The following GNB1 variants were observed in gnomAD, a reference collection of about 807,000 sequenced individuals.
GNB1 encodes the protein guanine nucleotide-binding protein G(I)/G(S)/G(T) subunit beta-1.
In GNB1, 2 loss-of-function variants were observed where a neutral mutation model predicts 42.9. The observed-to-expected ratio is 0.05, with a 90% CI of 0.02 to 0.15. The LOEUF is 0.15. Ranked by LOEUF, GNB1 falls within the 10% of genes least tolerant of loss-of-function variation. The probability of loss-of-function intolerance (pLI) is 1.00; values close to 1 mark genes in which losing one functional copy is unlikely to be tolerated. For synonymous variants in GNB1, 183 were observed against 174.7 expected, an observed-to-expected ratio of 1.05 and a Z score of -0.38; for missense variants, 193 against 462.2, an observed-to-expected ratio of 0.42 and a Z score of 5.34.
At chr1:1,792,870 A>G (rs1646500328) in intron 8 of GNB1, among the ~76,000 whole-genome samples, 1 of 152,082 alleles carries the variant, frequency 6.6e-6, no homozygotes, top group South Asian at 2.1e-4. Context: ...GTTCAGGACC[A>G]GCCTGGCCAA....
intron 2 of GNB1, among the ~76,000 whole-genome samples, chr1:1,826,557 T>TA (rs1647000945): frequency 6.6e-6 from 1 of 152,114 alleles, no homozygotes; most frequent in African/African-American, 2.4e-5. Flanking sequence ...CATGAACCGC[T>TA]ACTGGTCAAA....
At chr1:1,840,721 C>G (rs1009581209) in intron 1 of GNB1, among the ~76,000 whole-genome samples, 2 of 152,262 alleles carry the variant, frequency 1.3e-5, no homozygotes, top group Non-Finnish European at 2.9e-5. Flanking sequence ...ATCCCTCCCT[C>G]TGTCCCTCTC....
intron 1 of GNB1, among the ~76,000 whole-genome samples, chr1:1,875,519 TTTTG>T (rs959426561): frequency 3.3e-4 from 50 of 151,952 alleles, no homozygotes; most frequent in African/African-American, 1.2e-3. Context: ...TTCTATTTTG[TTTTG>T]TTTTAGAGGC....
chr1:1,791,203 C>G (rs1160290003), intron 8 of GNB1, among the ~76,000 whole-genome samples: 1 of 146,542 alleles, frequency 6.8e-6, no homozygotes, highest in African/African-American at 2.5e-5. Flanking sequence ...CCGAATTTCA[C>G]TCTTGTTGCC....
intron 1 of GNB1, among the ~76,000 whole-genome samples, chr1:1,842,465 G>T (rs1287634981): frequency 1.3e-5 from 2 of 150,612 alleles, no homozygotes; most frequent in Non-Finnish European, 3.0e-5. Context: ...TCCTGGTCCT[G>T]TCTCTGCTAG....
intron 3 of GNB1, among the ~76,000 whole-genome samples, chr1:1,821,658 C>T (rs577596831): frequency 1.2e-4 from 19 of 152,306 alleles, no homozygotes; most frequent in South Asian, 6.2e-4. Flanking sequence ...CCTGGTACTT[C>T]GGAGACAAAG....
chr1:1,834,204 A>C (rs1162713103), intron 2 of GNB1, among the ~76,000 whole-genome samples: 1 of 152,068 alleles, frequency 6.6e-6, no homozygotes, highest in Non-Finnish European at 1.5e-5. Flanking sequence ...AGCCCTCAGA[A>C]GGCAATTCTC....
intron 1 of GNB1, among the ~76,000 whole-genome samples, chr1:1,879,145 C>A (rs1438790056): frequency 6.6e-6 from 1 of 152,194 alleles, no homozygotes; most frequent in African/African-American, 2.4e-5. Flanking sequence ...GGGGCAGGGA[C>A]AGGGTGCCTG....
chr1:1,840,895 A>AT (rs1049974565), intron 1 of GNB1, among the ~76,000 whole-genome samples: 2 of 151,828 alleles, frequency 1.3e-5, no homozygotes, highest in Non-Finnish European at 2.9e-5. Context: ...CATTTATTGT[A>AT]TTTTTTTTAT....
chr1:1,873,025 T>C (rs970435712), intron 1 of GNB1, among the ~76,000 whole-genome samples: 1 of 151,282 alleles, frequency 6.6e-6, no homozygotes, highest in Non-Finnish European at 1.5e-5. Context: ...CCAGAGTCTA[T>C]CTCCTACTCT....
intron 1 of GNB1, among the ~76,000 whole-genome samples, chr1:1,881,116 A>G (rs1352011999): frequency 2.0e-5 from 3 of 152,176 alleles, no homozygotes; most frequent in Non-Finnish European, 4.4e-5. Flanking sequence ...AAAGCCTCAG[A>G]GACTCCTCAA....
At chr1:1,801,181 C>T (rs1343855237) in intron 7 of GNB1, among the ~76,000 whole-genome samples, 1 of 152,204 alleles carries the variant, frequency 6.6e-6, no homozygotes, top group Non-Finnish European at 1.5e-5. Flanking sequence ...GCGCATGCCA[C>T]CATGCTTGGC....
At chr1:1,886,482 C>T (rs528794232) in intron 1 of GNB1, among the ~76,000 whole-genome samples, 3 of 152,342 alleles carry the variant, frequency 2.0e-5, no homozygotes, top group African/African-American at 7.2e-5. Context: ...ATTTCTCTCT[C>T]TTCATACACA....
chr1:1,827,707 T>C (rs1345051641), intron 2 of GNB1, among the ~76,000 whole-genome samples: 2 of 152,212 alleles, frequency 1.3e-5, no homozygotes, highest in Non-Finnish European at 2.9e-5. Flanking sequence ...CTGACACTAC[T>C]CACTTGTATT....
At chr1:1,890,101 G>A (rs1650395481) in intron 1 of GNB1, among the ~76,000 whole-genome samples, 1 of 152,122 alleles carries the variant, frequency 6.6e-6, no homozygotes, top group South Asian at 2.1e-4. Context: ...CGGGGTCCGC[G>A]CAACCCTCGA....
chr1:1,878,228 C>T (rs1373197997), intron 1 of GNB1, among the ~76,000 whole-genome samples: 1 of 152,176 alleles, frequency 6.6e-6, no homozygotes, highest in Non-Finnish European at 1.5e-5. Flanking sequence ...GCTAATGGCA[C>T]AGGCATCTTC....
At chr1:1,817,655 T>C (rs139880806) in intron 4 of GNB1, 182 bp downstream of exon 4, 159 of 491,958 alleles carry the variant, frequency 3.2e-4, no homozygotes, top group African/African-American at 2.9e-3. Context: ...CTCATTTTTA[T>C]CTCAATAAGC....
At chr1:1,833,877 G>A (rs867426554) in intron 2 of GNB1, among the ~76,000 whole-genome samples, 1 of 152,066 alleles carries the variant, frequency 6.6e-6, no homozygotes, top group Non-Finnish European at 1.5e-5. Context: ...TAATCTTAAC[G>A]AAAAAGTGAA....
At chr1:1,865,735 T>C (rs552024303) in intron 1 of GNB1, among the ~76,000 whole-genome samples, 1 of 152,242 alleles carries the variant, frequency 6.6e-6, no homozygotes, top group Non-Finnish European at 1.5e-5. Context: ...CAAATTCCTG[T>C]AATGTGCTCA....
Sources: allele counts gnomAD v4.1 joint callset (sites outside exome capture counted in the v4.1 genomes callset), GRCh38; gene constraint gnomAD v4.1.1; transcripts MANE v1.5; gene names NCBI Gene and HGNC (gene_info 2026-07-23, HGNC 2026-07-21).